LDAF1: variants seen among roughly 807,000 people sequenced by gnomAD.
LDAF1 encodes the protein PROMETHIN.
Under a neutral mutation model 13.5 loss-of-function variants are expected in LDAF1, and 7 were observed. The ratio of observed to expected loss-of-function variants is 0.52; its 90% CI spans 0.29 to 0.97. LDAF1 has a LOEUF of 0.97. Among genes scored for constraint, LDAF1 ranks in the 50% least tolerant of loss-of-function variants. The pLI, the probability that LDAF1 is intolerant of heterozygous loss-of-function variation, is 0.07. For missense variants in LDAF1, 148 were observed against 193.2 expected, an observed-to-expected ratio of 0.77 and a Z score of 1.39; for synonymous variants, 69 against 77.1, an observed-to-expected ratio of 0.89 and a Z score of 0.55.
rs949382179 is a variant in LDAF1, at chr16:21,178,408, G to T, written c.405-1067G>T. On this transcript the variant is annotated intron_variant, in intron 4 of 4. Coordinates refer to ENST00000233047, the MANE Select transcript of LDAF1 (RefSeq NM_001301771.2). ...TTTCTTAGTTTTTTGTTATCAGGGAGGAATGGTTTAGGTGGCAAATAATGA... is the reference window on the plus strand; with the variant it reads ...TTTCTTAGTTTTTTGTTATCAGGGATGAATGGTTTAGGTGGCAAATAATGA... 3 of 984,844 alleles carry T rather than the reference G, an allele frequency of 3.0e-6. No individual in the cohort carries two copies. In the African/African-American group the frequency reaches 5.2e-5, roughly 17 times the overall value. 61.0% of individuals were successfully genotyped at this position (984,844 alleles called of 1,614,324 possible).
chr16:21,159,493 C>T (rs1416437953), intron 1 of LDAF1: 5 of 1,561,998 alleles, frequency 3.2e-6, no homozygotes, highest in Non-Finnish European at 3.5e-6. Context: ...TCGAGGTAGC[C>T]GTTTTCCCCT....
Position 21,170,424 on chromosome 16 carries a change from C to G in LDAF1, c.97-13C>G. The G allele has an allele frequency of 6.2e-7, 1 of 1,613,870 alleles. No homozygotes were observed. Among genetic ancestry groups the G allele is most frequent in the East Asian group, 2.2e-5 (1 of 44,874 alleles). ...GTGTTACTTATCCCTGGCTCTTTGT[C>G]CTTTGCCTACAGGTGGTGGCCTTTA... On this transcript the variant is annotated splice_polypyrimidine_tract_variant and intron_variant, in intron 2 of 4. Transcript: ENST00000233047.
intron 2 of LDAF1, among the ~76,000 whole-genome samples, chr16:21,162,613 G>A (rs955854839): frequency 3.9e-5 from 6 of 152,008 alleles, no homozygotes; most frequent in Admixed American, 2.6e-4. Context: ...GTATTGGATA[G>A]CACAGCGGGT....
At position 21,179,567 on chromosome 16, in the gene LDAF1, A is replaced by G; in HGVS notation, c.*11A>G. ...CTTTACCAGGAATGAGTGACTGCTCAGAGGCCGGGCTTCTTTTCAAGTACT... is the reference window on the plus strand; with the variant it reads ...CTTTACCAGGAATGAGTGACTGCTCGGAGGCCGGGCTTCTTTTCAAGTACT... On this transcript the variant is annotated 3_prime_UTR_variant, in exon 5 of 5. Coordinates refer to ENST00000233047, the MANE Select transcript of LDAF1 (RefSeq NM_001301771.2). The G allele has an allele frequency of 6.2e-7, 1 of 1,611,538 alleles. No homozygotes were observed. Among genetic ancestry groups the G allele is most frequent in the Non-Finnish European group, 8.5e-7 (1 of 1,177,796 alleles).
intron 3 of LDAF1, among the ~76,000 whole-genome samples, chr16:21,172,548 G>A (rs1250176739): frequency 6.6e-6 from 1 of 152,152 alleles, no homozygotes; most frequent in Non-Finnish European, 1.5e-5. Context: ...GATCGCTTGA[G>A]CCCAGGCAGT....
At chr16:21,163,381 C>T (rs977007624) in intron 2 of LDAF1, among the ~76,000 whole-genome samples, 5 of 152,146 alleles carry the variant, frequency 3.3e-5, no homozygotes, top group Non-Finnish European at 7.3e-5. Flanking sequence ...CGTGGTAGCT[C>T]ACACCTGTAA....
intron 1 of LDAF1, chr16:21,159,450 C>G: frequency 1.2e-6 from 2 of 1,612,746 alleles, no homozygotes; most frequent in Non-Finnish European, 1.7e-6. Flanking sequence ...ATCCCCCAAC[C>G]AGAGATGTGA....
chr16:21,159,277 C>T (rs2092933907), intron 1 of LDAF1: 1 of 1,509,274 alleles, frequency 6.6e-7, no homozygotes, highest in South Asian at 1.1e-5. Flanking sequence ...CCTCTGAGTT[C>T]CCATTATTCA....
intron 3 of LDAF1, chr16:21,172,837 G>C: frequency 1.0e-6 from 1 of 985,416 alleles, no homozygotes; most frequent in Non-Finnish European, 1.2e-6. Context: ...CACACCTGTT[G>C]ATGTTCTCTT....
chr16:21,167,696 G>GTTTTTTTTTTTTTTTTTTTT (rs778992036), intron 2 of LDAF1, among the ~76,000 whole-genome samples: 966 of 88,954 alleles, frequency 0.011, 117 homozygotes, highest in East Asian at 0.023. Flanking sequence ...CCTTAGGTTT[G>GTTTTTTTTTTTTTTTTTTTT]TTTTTTTTTT....
intron 2 of LDAF1, among the ~76,000 whole-genome samples, chr16:21,164,070 T>A (rs1176938335): frequency 2.0e-5 from 3 of 152,180 alleles, no homozygotes; most frequent in African/African-American, 7.2e-5. Context: ...AATCATTGAT[T>A]GTTTTTTGCA....
intron 2 of LDAF1, chr16:21,167,041 G>A: frequency 1.2e-6 from 1 of 845,358 alleles, no homozygotes; most frequent in Non-Finnish European, 1.8e-6. Flanking sequence ...TGGCCTGGCA[G>A]GGAGTGAAAT....
At chr16:21,161,592 A>G (rs1416842980) in intron 2 of LDAF1, among the ~76,000 whole-genome samples, 2 of 152,224 alleles carry the variant, frequency 1.3e-5, no homozygotes, top group African/African-American at 2.4e-5. Flanking sequence ...CCCTTAAGCC[A>G]ACATTGAGTC....
chr16:21,167,086 C>T (rs915053372), intron 2 of LDAF1, among the ~76,000 whole-genome samples: 4 of 152,198 alleles, frequency 2.6e-5, no homozygotes, highest in African/African-American at 9.7e-5. Flanking sequence ...TAGGAGACCA[C>T]GCTGAAGCCC....
intron 2 of LDAF1, chr16:21,169,220 C>T (rs1366248160): frequency 1.0e-6 from 1 of 977,012 alleles, no homozygotes; most frequent in East Asian, 1.1e-4. Context: ...CATTGCTTCT[C>T]AAACTTTAAT....
chr16:21,172,306 G>A (rs1369605148), intron 3 of LDAF1, among the ~76,000 whole-genome samples: 1 of 151,942 alleles, frequency 6.6e-6, no homozygotes, highest in African/African-American at 2.4e-5. Flanking sequence ...AATTAGCCGG[G>A]CATGGTGGTG....
chr16:21,176,290 G>C (rs546578817), intron 4 of LDAF1, among the ~76,000 whole-genome samples: 1 of 152,094 alleles, frequency 6.6e-6, no homozygotes, highest in African/African-American at 2.4e-5. Context: ...GTTTCCACGT[G>C]GGCAGAGGTT....
At chr16:21,167,421 G>C (rs769144783) in intron 2 of LDAF1, among the ~76,000 whole-genome samples, 5 of 152,262 alleles carry the variant, frequency 3.3e-5, no homozygotes, top group African/African-American at 1.2e-4. Flanking sequence ...TGAGGAGAGA[G>C]AAGGCGTGGA....
chr16:21,168,930 T>G (rs1202240849), intron 2 of LDAF1, among the ~76,000 whole-genome samples: 107 of 134,098 alleles, frequency 8.0e-4, no homozygotes, highest in African/African-American at 2.8e-3. Flanking sequence ...ATTTATATAT[T>G]TAAATATTTA....
Sources: gnomAD v4.1 joint callset for allele counts (sites outside exome capture counted in the v4.1 genomes callset) on GRCh38, gnomAD v4.1.1 for gene constraint, MANE v1.5 for transcripts, NCBI Gene and HGNC (gene_info 2026-07-23, HGNC 2026-07-21) for gene names.